SLC2A9: variants seen among roughly 807,000 people sequenced by gnomAD.
SLC2A9 encodes solute carrier family 2, facilitated glucose transporter member 9.
Under a neutral mutation model 50.6 loss-of-function variants are expected in SLC2A9, and 39 were observed. The observed-to-expected ratio is 0.77, with a 90% CI of 0.60 to 1.01. The LOEUF (loss-of-function observed/expected upper bound fraction) is 1.01, where lower values mean the gene tolerates loss of function less well. Among genes scored for constraint, SLC2A9 ranks in the 50% least tolerant of loss-of-function variants. SLC2A9 has a pLI of 0.00. For synonymous variants in SLC2A9, 324 were observed against 276.9 expected, an observed-to-expected ratio of 1.17 and a Z score of -1.69; for missense variants, 686 against 677.6, an observed-to-expected ratio of 1.01 and a Z score of -0.14.
intron 8 of SLC2A9, 92 bp from the exon 9 acceptor site, chr4:9,890,803 G>A: frequency 8.6e-7 from 1 of 1,158,082 alleles, no homozygotes; most frequent in Admixed American, 2.0e-5. Context: ...ATGGCATCAT[G>A]ATTAAAAACC....
rs752122467 is a variant in SLC2A9, at chr4:9,996,908, T to C, written c.283A>G (p.Arg95Gly). The change falls in exon 3 of 12, where the codon AGA becomes GGA. Residue 95 changes from arginine (R) to glycine (G), a missense_variant. Transcript: ENST00000264784. The stretch of plus-strand genomic sequence containing the variant: ...GGGTCTATTGGACGTCCATGCCTTC[T>C]TTCCCATGACTCATTGTAAAAGGCC... ...IKAFYNESWE[R>G]RHGRPIDPDT... is the part of the protein sequence containing the mutation. 1.2e-6 allele frequency: 2 copies of C among 1,614,034 alleles called. No individual in the cohort carries two copies. The highest frequency in any genetic ancestry group is 1.7e-6 in the Non-Finnish European group (2 of 1,180,008).
chr4:9,940,676 C>A (rs1360235318), intron 6 of SLC2A9, among the ~76,000 whole-genome samples: 1 of 152,190 alleles, frequency 6.6e-6, no homozygotes, highest in Admixed American at 6.5e-5. Flanking sequence ...AAGGTAATAA[C>A]AATTACCTTC....
chr4:9,779,280 A>C (rs1409957118), downstream of SLC2A9, among the ~76,000 whole-genome samples: 1 of 151,952 alleles, frequency 6.6e-6, no homozygotes, highest in Non-Finnish European at 1.5e-5. Context: ...TTCCCTAAAC[A>C]TCTTGCCTTG....
At chr4:10,024,233 C>T (rs1361010422), upstream of SLC2A9, among the ~76,000 whole-genome samples, 1 of 152,108 alleles carries the variant, frequency 6.6e-6, no homozygotes, top group Non-Finnish European at 1.5e-5. Flanking sequence ...CCCCTCTGCA[C>T]GGGAGCTCAC....
chr4:9,829,464 A>G (rs1166148987), intron 11 of SLC2A9, among the ~76,000 whole-genome samples: 1 of 76,276 alleles, frequency 1.3e-5, no homozygotes, highest in African/African-American at 4.6e-5. Context: ...TTTCATGACA[A>G]AAATGTCAAA....
downstream of SLC2A9, among the ~76,000 whole-genome samples, chr4:9,776,839 C>A (rs1041340754): frequency 6.6e-6 from 1 of 152,152 alleles, no homozygotes; most frequent in African/African-American, 2.4e-5. Flanking sequence ...GAACTTAGAA[C>A]AAATCCTCAT....
intron 7 of SLC2A9, among the ~76,000 whole-genome samples, chr4:9,914,683 G>A (rs1742528237): frequency 6.6e-6 from 1 of 152,096 alleles, no homozygotes; most frequent in South Asian, 2.1e-4. Flanking sequence ...TGGACAGAAG[G>A]GATTTGACCC....
rs554124023 is a variant in SLC2A9, at chr4:9,925,952, C to A, written c.815-5380G>T. On this transcript the variant is annotated intron_variant, in intron 6 of 11. Transcript: ENST00000264784. ...CCATGGTCCTCAGACACCTTCAGAG[C>A]ACAGCAGAGTGACAGACACTGATGC... Among the ~76,000 whole-genome samples the A allele has an allele frequency of 1.2e-4, 19 of 152,272 alleles. No homozygotes were observed. In the South Asian group the frequency reaches 3.7e-3, roughly 30 times the overall value.
At chr4:9,879,084 T>C (rs1256543786) in intron 10 of SLC2A9, 1 of 983,518 alleles carries the variant, frequency 1.0e-6, no homozygotes, top group African/African-American at 1.8e-5. Flanking sequence ...TGGATACAGG[T>C]GATAGAAACA....
chr4:9,837,788 GC>G (rs1560173514), intron 10 of SLC2A9, among the ~76,000 whole-genome samples: 1 of 152,186 alleles, frequency 6.6e-6, no homozygotes, highest in African/African-American at 2.4e-5. Context: ...TTCAGACCAA[GC>G]CCTAAGCAAC....
chr4:9,829,339 C>T (rs575636497), intron 11 of SLC2A9, among the ~76,000 whole-genome samples: 7 of 152,168 alleles, frequency 4.6e-5, no homozygotes, highest in South Asian at 2.1e-4. Flanking sequence ...CCTCCTTACA[C>T]CTTATACAAA....
chr4:9,861,204 C>T (rs1327918795), intron 10 of SLC2A9, among the ~76,000 whole-genome samples: 1 of 152,074 alleles, frequency 6.6e-6, no homozygotes, highest in Non-Finnish European at 1.5e-5. Flanking sequence ...CTGCGGAGGT[C>T]TCAGGAATCT....
intron 10 of SLC2A9, among the ~76,000 whole-genome samples, chr4:9,844,214 G>A (rs927050847): frequency 3.2e-5 from 4 of 124,382 alleles, no homozygotes; most frequent in African/African-American, 8.5e-5. Context: ...AGAATAACAA[G>A]AGGTGATATG....
At chr4:9,856,791 G>C (rs912305760) in intron 10 of SLC2A9, among the ~76,000 whole-genome samples, 2 of 152,142 alleles carry the variant, frequency 1.3e-5, no homozygotes, top group African/African-American at 4.8e-5. Context: ...CCATAAAAAA[G>C]AAAAAGATCA....
intron 3 of SLC2A9, among the ~76,000 whole-genome samples, chr4:9,809,783 C>T (rs1722632132): frequency 1.3e-5 from 2 of 152,018 alleles, no homozygotes; most frequent in Admixed American, 6.6e-5. Context: ...ATTGCTATTA[C>T]TATCAATGGT....
At chr4:9,883,759 C>T (rs1735656525) in intron 10 of SLC2A9, among the ~76,000 whole-genome samples, 1 of 152,186 alleles carries the variant, frequency 6.6e-6, no homozygotes, top group African/African-American at 2.4e-5. Context: ...GCCTACTCAG[C>T]CCCTTCTATC....
Position 9,887,595 on chromosome 4 carries a change from G to A in SLC2A9, c.1263C>T (p.Ala421=). ...GCCCACTGCAGAAAGAGGCGATGAT[G>A]GCCAGAATGCCCACGATACTCAGGT... ...VPYLSIVGIL[A]IIASFCSGPG... The change falls in exon 10 of 12, where the codon GCC becomes GCT. Residue 421 remains alanine, a synonymous_variant. Coordinates refer to ENST00000264784, the MANE Select transcript of SLC2A9 (RefSeq NM_020041.3). The A allele has an allele frequency of 6.4e-7, 1 of 1,571,734 alleles. No individual in the cohort carries two copies. The highest frequency in any genetic ancestry group is 8.6e-7 in the Non-Finnish European group (1 of 1,158,334).
intron 10 of SLC2A9, among the ~76,000 whole-genome samples, chr4:9,845,632 G>A (rs901407137): frequency 3.3e-5 from 5 of 150,394 alleles, no homozygotes; most frequent in Admixed American, 6.6e-5. Context: ...GGGTTTCACC[G>A]TGTTAGCCAG....
intron 1 of SLC2A9, among the ~76,000 whole-genome samples, chr4:10,038,717 C>T (rs1003509386): frequency 3.9e-5 from 6 of 152,054 alleles, no homozygotes; most frequent in East Asian, 1.9e-4. Context: ...CAAGGTTTTA[C>T]GCAATGACAT....
Sources: allele counts gnomAD v4.1 joint callset (sites outside exome capture counted in the v4.1 genomes callset), GRCh38; gene constraint gnomAD v4.1.1; transcripts MANE v1.5; gene names NCBI Gene and HGNC (gene_info 2026-07-23, HGNC 2026-07-21).